The following PCDHGB2 variants were observed in gnomAD, a reference collection of about 807,000 sequenced individuals.
PCDHGB2 encodes protocadherin gamma subfamily B, 2, also known as protocadherin gamma-B2.
Under a neutral mutation model 59.3 loss-of-function variants are expected in PCDHGB2, and 55 were observed. The observed-to-expected ratio is 0.93, with a 90% CI of 0.75 to 1.16. PCDHGB2 has a LOEUF of 1.16. PCDHGB2 is among the 50% of genes most tolerant of loss of function. The pLI is 0.00. For missense variants in PCDHGB2, 1,228 were observed against 1,198.5 expected, an observed-to-expected ratio of 1.02 and a Z score of -0.36; for synonymous variants, 516 against 512.0, an observed-to-expected ratio of 1.01 and a Z score of -0.11.
At chr5:141,371,960 C>T (rs771450244) in intron 1 of PCDHGB2, 16 of 1,613,142 alleles carry the variant, frequency 9.9e-6, no homozygotes, top group Admixed American at 1.7e-5. Flanking sequence ...CCTTCGACCA[C>T]GAGCAGCTGC....
At chr5:141,392,668 C>T in intron 1 of PCDHGB2, 2 of 849,812 alleles carry the variant, frequency 2.4e-6, no homozygotes, top group Admixed American at 3.2e-5. Flanking sequence ...CACAAACTAA[C>T]TGCTGGACTG....
intron 1 of PCDHGB2, chr5:141,389,105 T>C (rs1394118929): frequency 1.9e-6 from 3 of 1,614,018 alleles, no homozygotes; most frequent in East Asian, 2.2e-5. Context: ...CAGATGCTGT[T>C]CTAGACCGCG....
intron 1 of PCDHGB2, chr5:141,400,051 G>A (rs1253013919): frequency 6.2e-7 from 1 of 1,613,762 alleles, no homozygotes; most frequent in East Asian, 2.2e-5. Flanking sequence ...GCTGGTTGCT[G>A]TGCGTGATGG....
In PCDHGB2 at chr5:141,476,599, TC is replaced by T; in HGVS notation, c.2422-18205del. The T allele has an allele frequency of 6.2e-7, 1 of 1,614,210 alleles. No individual in the cohort carries two copies. ...GCTTTCCGCTCGAGAGCGCGCACGA[TC>T]CCGATGTGGGAAGCAACTCTTTACA... is the stretch of plus-strand genomic sequence containing the variant. On this transcript the variant is annotated intron_variant, in intron 1 of 3. Transcript: ENST00000522605. This position sits in a 1 kb window ranked among gnomAD's most constrained non-coding sequence, Gnocchi z 7.6.
chr5:141,371,220 G>A (rs1172687028), intron 1 of PCDHGB2: 4 of 1,613,874 alleles, frequency 2.5e-6, no homozygotes, highest in South Asian at 1.1e-5. Flanking sequence ...CATCAATGCC[G>A]AAATCATCTA....
At position 141,458,567 on chromosome 5, in the gene PCDHGB2, T is replaced by TTTTG. The variant is rs144471304; in HGVS notation, c.2422-36224_2422-36221dup. Among the ~76,000 whole-genome samples the TTTTG allele has an allele frequency of 8.6e-5, 13 of 151,610 alleles. No individual in the cohort carries two copies. The East Asian group carries it at 1.5e-3, about 18-fold the overall frequency. On this transcript the variant is annotated intron_variant, in intron 1 of 3. Coordinates refer to ENST00000522605, the MANE Select transcript of PCDHGB2 (RefSeq NM_018923.3). ...TTGTTTGTTTGTTTTGGTTTTGGGT[T>TTTTG]TTTGTTTGTTTGTTTGTTTTGGAGA...
rs1244166990 is a variant in PCDHGB2, at chr5:141,361,317, G to T, written c.1182G>T (p.Leu394Phe). 6.2e-7 allele frequency: 1 copy of T among 1,613,944 alleles called. No homozygotes were observed. The change falls in exon 1 of 4, where the codon TTG becomes TTT. Residue 394 changes from leucine (L) to phenylalanine (F), a missense_variant. Around this residue, in one of 3 missense-constraint regions of PCDHGB2, gnomAD observed 781 missense variants for 721.6 expected, o/e 1.08. Transcript: ENST00000522605. ...TGTTGGGAAATGCCAAGTTTATTTT[G>T]AAATCTTCCTCAAAGAACTATTACA... Reference protein sequence around the residue: ...CQVLGNAKFILKSSSKNYYKL... With the variant: ...CQVLGNAKFIFKSSSKNYYKL...
At chr5:141,465,457 C>G (rs956070103) in intron 1 of PCDHGB2, among the ~76,000 whole-genome samples, 1 of 152,214 alleles carries the variant, frequency 6.6e-6, no homozygotes, top group Non-Finnish European at 1.5e-5. Context: ...AAAACTCTCA[C>G]CAAATTGCCC....
chr5:141,436,080 T>C (rs755968267), intron 1 of PCDHGB2, among the ~76,000 whole-genome samples: 1 of 152,204 alleles, frequency 6.6e-6, no homozygotes, highest in Admixed American at 6.5e-5. Context: ...CAGTGTTCTA[T>C]AGGTAATATT....
At chr5:141,505,261 T>C in intron 2 of PCDHGB2, 132 bp from the exon 3 acceptor site, 1 of 1,505,282 alleles carries the variant, frequency 6.6e-7, no homozygotes. Context: ...GCCTCCTACC[T>C]TGCTGAGAGA....
chr5:141,451,299 A>T (rs1016384424), intron 1 of PCDHGB2, among the ~76,000 whole-genome samples: 17 of 152,228 alleles, frequency 1.1e-4, no homozygotes, highest in African/African-American at 3.4e-4. Flanking sequence ...AAAGTCTTAC[A>T]AGGCAGCAAT....
In PCDHGB2 at chr5:141,361,783, G is replaced by A. The variant is rs375966726; in HGVS notation, c.1648G>A (p.Val550Met). The change falls in exon 1 of 4, where the codon GTG becomes ATG. Residue 550 changes from valine to methionine, a missense_variant. Physicochemically the swap from Val to Met is conservative, Grantham distance 21. Transcript: ENST00000522605. Reference protein sequence around the residue: ...PALSANVSLRVLVGDLNDNAP... With the variant: ...PALSANVSLRMLVGDLNDNAP... ...GCTCAGCGCCAACGTGAGCCTGCGC[G>A]TGTTAGTGGGCGACCTCAATGACAA... 125 of 1,613,126 alleles carry A rather than the reference G, an allele frequency of 7.7e-5. No homozygotes were observed. The highest frequency in any genetic ancestry group is 3.0e-4 in the Admixed American group (18 of 60,004).
chr5:141,372,133 G>T (rs576893125), intron 1 of PCDHGB2: 18 of 1,613,666 alleles, frequency 1.1e-5, no homozygotes, highest in East Asian at 2.2e-5. Flanking sequence ...ATGGTGCCGC[G>T]CTCTGCAGAG....
chr5:141,370,342 AT>A lies in PCDHGB2; in HGVS notation c.2421+7789del, dbSNP rs1766823822. ...TCCTGCTCGGAGAACTCTTGGGATTATTTAAAGATCTCCTCTCCTCGGATTT... is the reference window on the plus strand; with the variant it reads ...TCCTGCTCGGAGAACTCTTGGGATTATTAAAGATCTCCTCTCCTCGGATTT... On this transcript the variant is annotated intron_variant, in intron 1 of 3. Coordinates refer to ENST00000522605, the MANE Select transcript of PCDHGB2 (RefSeq NM_018923.3). 37 of 1,476,030 alleles carry A rather than the reference AT, an allele frequency of 2.5e-5. 2 individuals carry two copies. The South Asian group carries it at 5.1e-4, about 20-fold the overall frequency. The allele number at this position is 1,476,030 out of a possible 1,614,324, so 91.4% of individuals were successfully genotyped here. A position where few individuals can be genotyped will look rare whatever the true frequency, so the allele number is the denominator to read the frequency against.
At chr5:141,463,335 A>G (rs565781645) in intron 1 of PCDHGB2, among the ~76,000 whole-genome samples, 3 of 149,628 alleles carry the variant, frequency 2.0e-5, no homozygotes, top group South Asian at 2.1e-4. Context: ...CAGCAAAACC[A>G]TGGTGTTATT....
chr5:141,403,476 A>G lies in PCDHGB2; in HGVS notation c.2421+40920A>G, dbSNP rs1258805283. The G allele has an allele frequency of 5.6e-6, 9 of 1,613,972 alleles. No homozygotes were observed. In the Admixed American group the frequency reaches 8.3e-5, roughly 15 times the overall value. On this transcript the variant is annotated intron_variant, in intron 1 of 3. Coordinates refer to ENST00000522605, the MANE Select transcript of PCDHGB2 (RefSeq NM_018923.3). ...CTCCAGAGCTACCAGCTCAGCCCCA[A>G]TCACCACTTCTCCCTGAACGTGCAG...
intron 1 of PCDHGB2, chr5:141,399,178 A>T: frequency 6.2e-7 from 1 of 1,613,892 alleles, no homozygotes; most frequent in Admixed American, 1.7e-5. Flanking sequence ...TCTACTTGAA[A>T]TGATTCTGGA....
chr5:141,444,364 T>C (rs1191889941), intron 1 of PCDHGB2, among the ~76,000 whole-genome samples: 2 of 151,718 alleles, frequency 1.3e-5, no homozygotes, highest in Admixed American at 1.3e-4. Context: ...AGAGACGGGG[T>C]TTCTCCATGT....
intron 1 of PCDHGB2, among the ~76,000 whole-genome samples, chr5:141,429,826 C>T (rs1211415098): frequency 2.6e-5 from 4 of 152,054 alleles, no homozygotes; most frequent in Non-Finnish European, 4.4e-5. Context: ...GGTCAGTTAC[C>T]CAGGAAAAGG....
Sources: allele counts gnomAD v4.1 joint callset (sites outside exome capture counted in the v4.1 genomes callset), GRCh38; gene constraint gnomAD v4.1.1; regional missense constraint gnomAD v4.1.1; non-coding constraint Gnocchi (gnomAD v3.1); transcripts MANE v1.5; gene names NCBI Gene and HGNC (gene_info 2026-07-23, HGNC 2026-07-21).